Variants in SPIRE1 observed in about 807,000 individuals in gnomAD.
SPIRE1 encodes spire type actin nucleation factor 1.
In SPIRE1, 40 loss-of-function variants were observed where a neutral mutation model predicts 94.1. That is an observed-to-expected ratio of 0.43 (90% CI 0.33 to 0.55). The LOEUF (loss-of-function observed/expected upper bound fraction) is 0.55. SPIRE1 is among the 20% of genes least tolerant of loss of function. The pLI is 0.06. For missense variants in SPIRE1, 838 were observed against 975.2 expected (o/e 0.86, Z 1.87); for synonymous variants, 376 against 371.7 (o/e 1.01, Z -0.13).
intron 2 of SPIRE1, among the ~76,000 whole-genome samples, chr18:12,564,344 G>T (rs140860280): frequency 2.0e-5 from 3 of 152,162 alleles, no homozygotes; most frequent in Admixed American, 1.3e-4. Flanking sequence ...GGGCGAATTA[G>T]AGAAGACTTC....
intron 1 of SPIRE1, among the ~76,000 whole-genome samples, chr18:12,635,706 A>G (rs1327051899): frequency 2.6e-5 from 4 of 152,224 alleles, no homozygotes; most frequent in Non-Finnish European, 5.9e-5. Flanking sequence ...CATCACTGAT[A>G]CATAATACCA....
chr18:12,660,165 C>T (rs2038666927), upstream of SPIRE1, among the ~76,000 whole-genome samples: 1 of 152,098 alleles, frequency 6.6e-6, no homozygotes, highest in Non-Finnish European at 1.5e-5. Context: ...AATCTATGAG[C>T]CATTAACCTG....
At chr18:12,473,630 TAAG>T (rs921055584) in intron 10 of SPIRE1, among the ~76,000 whole-genome samples, 1 of 152,212 alleles carries the variant, frequency 6.6e-6, no homozygotes, top group African/African-American at 2.4e-5. Flanking sequence ...TTAAAAGAAT[TAAG>T]GAGTTTTTTC....
At chr18:12,589,933 T>C (rs935602763) in intron 2 of SPIRE1, among the ~76,000 whole-genome samples, 4 of 152,232 alleles carry the variant, frequency 2.6e-5, no homozygotes, top group African/African-American at 9.6e-5. Flanking sequence ...CAAATTTATA[T>C]TGATAAGAAC....
intron 2 of SPIRE1, among the ~76,000 whole-genome samples, chr18:12,616,848 TTTTA>T (rs2037321353): frequency 6.6e-6 from 1 of 152,180 alleles, no homozygotes; most frequent in Admixed American, 6.6e-5. Flanking sequence ...TTTGTATTCA[TTTTA>T]TTTATTTTAT....
chr18:12,601,692 C>T (rs934925569), intron 2 of SPIRE1, among the ~76,000 whole-genome samples: 5 of 152,146 alleles, frequency 3.3e-5, no homozygotes, highest in African/African-American at 1.2e-4. Context: ...TACAGTTTTG[C>T]CATTTCTGGA....
At chr18:12,450,245 A>G (rs1033498252) in intron 16 of SPIRE1, among the ~76,000 whole-genome samples, 1 of 151,316 alleles carries the variant, frequency 6.6e-6, no homozygotes, top group Admixed American at 6.6e-5. Context: ...TGTAATCCCC[A>G]CTTCTCTGGA....
Position 12,627,122 on chromosome 18 carries a change from G to C in SPIRE1, c.372+7940C>G, listed in dbSNP as rs543950579. On this transcript the variant is annotated intron_variant, in intron 2 of 16. Transcript: ENST00000409402. ...AAGTTCTAGGGTACATGCGCACAAT[G>C]TGCAGGTTTATTACAGAGGTATACA... 1.3e-4 allele frequency among the ~76,000 whole-genome samples: 20 copies of C among 152,010 alleles called. No homozygotes were observed. The East Asian group carries it at 3.9e-3, about 29-fold the overall frequency.
chr18:12,541,969 TTAA>T (rs923697097), intron 3 of SPIRE1, among the ~76,000 whole-genome samples: 5 of 151,736 alleles, frequency 3.3e-5, no homozygotes, highest in Non-Finnish European at 7.4e-5. Flanking sequence ...ACAAAAATTA[TTAA>T]TGAGGCTTTT....
intron 1 of SPIRE1, among the ~76,000 whole-genome samples, chr18:12,639,719 G>A (rs1468129016): frequency 4.0e-5 from 6 of 151,462 alleles, no homozygotes; most frequent in Non-Finnish European, 7.4e-5. Flanking sequence ...GCGCAAGAAT[G>A]AGACTCCATC....
intron 2 of SPIRE1, among the ~76,000 whole-genome samples, chr18:12,553,780 ACTAGAAAACTAGTTT>A (rs984262296): frequency 3.9e-5 from 6 of 152,306 alleles, no homozygotes; most frequent in Non-Finnish European, 7.4e-5. Context: ...ATCCTAAAGA[ACTAGAAAACTAGTTT>A]CTAGAAAACT....
intron 4 of SPIRE1, among the ~76,000 whole-genome samples, 187 bp downstream of exon 4, chr18:12,535,289 A>C (rs950715235): frequency 1.3e-5 from 2 of 152,244 alleles, no homozygotes; most frequent in African/African-American, 4.8e-5. Context: ...ATATTTCAAT[A>C]CAATAGATTT....
intron 4 of SPIRE1, among the ~76,000 whole-genome samples, chr18:12,526,999 C>T (rs572612011): frequency 2.0e-5 from 3 of 152,134 alleles, no homozygotes; most frequent in African/African-American, 7.2e-5. Context: ...TGAGCTACTG[C>T]GCCTGGCCAC....
At chr18:12,594,996 G>A (rs138139006) in intron 2 of SPIRE1, among the ~76,000 whole-genome samples, 2 of 152,134 alleles carry the variant, frequency 1.3e-5, no homozygotes, top group Non-Finnish European at 2.9e-5. Context: ...AAAAATACAG[G>A]TCTGGGTGTG....
intron 3 of SPIRE1, among the ~76,000 whole-genome samples, chr18:12,539,613 A>G (rs1056447285): frequency 5.3e-5 from 8 of 150,144 alleles, no homozygotes; most frequent in Non-Finnish European, 8.9e-5. Flanking sequence ...ACACACACAC[A>G]CGTTGGGAAT....
intron 8 of SPIRE1, among the ~76,000 whole-genome samples, chr18:12,486,559 T>A (rs552757167): frequency 6.6e-6 from 1 of 152,190 alleles, no homozygotes; most frequent in Non-Finnish European, 1.5e-5. Flanking sequence ...ACAGGACAGA[T>A]TGCCTGAGTT....
rs151289097 is a variant in SPIRE1, at chr18:12,475,877, G to A, written c.1404+3822C>T. On this transcript the variant is annotated intron_variant, in intron 10 of 16. Transcript: ENST00000409402. ...AAGTGTCCATTCCAGCACCCAGTCC[G>A]TACACCCTGAGCGGGCCTAGGGCAG... Among the ~76,000 whole-genome samples, 281 of 152,268 alleles carry A rather than the reference G, an allele frequency of 1.8e-3. 1 individual carries two copies. The highest frequency in any genetic ancestry group is 6.4e-3 in the African/African-American group (267 of 41,542).
In SPIRE1 at chr18:12,615,338, A is replaced by AAAAT. The variant is rs1277121081; in HGVS notation, c.372+19723_372+19724insATTT. Among the ~76,000 whole-genome samples, 35 of 56,964 alleles carry AAAAT rather than the reference A, an allele frequency of 6.1e-4. 7 individuals are homozygous for AAAAT. Among genetic ancestry groups the AAAAT allele is most frequent in the Non-Finnish European group, 1.6e-3 (34 of 21,630 alleles). The allele number at this position is 56,964 out of a possible 152,430, so 37.4% of individuals were successfully genotyped here. ...GTGAAACTCTGTCTCAAAAAAAAAA[A>AAAAT]AAAAAAAATATATATATATATATAT... is the stretch of plus-strand genomic sequence containing the variant. On this transcript the variant is annotated intron_variant, in intron 2 of 16. Coordinates refer to ENST00000409402, the MANE Select transcript of SPIRE1 (RefSeq NM_001128626.2).
At chr18:12,596,103 T>A (rs1213690349) in intron 2 of SPIRE1, among the ~76,000 whole-genome samples, 1 of 152,218 alleles carries the variant, frequency 6.6e-6, no homozygotes, top group East Asian at 1.9e-4. Flanking sequence ...GCACTCTAGG[T>A]TGTCAAGGGC....
Sources: allele counts gnomAD v4.1 joint callset (sites outside exome capture counted in the v4.1 genomes callset), GRCh38; gene constraint gnomAD v4.1.1; transcripts MANE v1.5; gene names NCBI Gene and HGNC (gene_info 2026-07-23, HGNC 2026-07-21).